The following ZFAND3 variants were observed in gnomAD, a reference collection of about 807,000 sequenced individuals.
ZFAND3 encodes AN1-type zinc finger protein 3.
A neutral mutation model predicts 29.6 loss-of-function variants in ZFAND3; 10 were observed. That is an observed-to-expected ratio of 0.34 (90% CI 0.21 to 0.57). The LOEUF is 0.57. Among genes scored for constraint, ZFAND3 ranks in the 20% least tolerant of loss-of-function variants. The pLI is 0.86. For synonymous variants in ZFAND3, 128 were observed against 112.6 expected (o/e 1.14, Z -0.87); for missense variants, 230 against 304.5 (o/e 0.76, Z 1.82).
chr6:37,846,856 C>T lies in ZFAND3; in HGVS notation c.71+26840C>T, dbSNP rs113942977. ...CCTCCCGAGTAGCTGGGACTACAGG[C>T]GCATGCCACCATGCCTGGCTAATTT... On this transcript the variant is annotated intron_variant, in intron 1 of 5. Coordinates refer to ENST00000287218, the MANE Select transcript of ZFAND3 (RefSeq NM_021943.3). Among the ~76,000 whole-genome samples, 752 of 152,016 alleles carry T rather than the reference C, an allele frequency of 4.9e-3. 8 individuals are homozygous for T. The highest frequency in any genetic ancestry group is 0.017 in the African/African-American group (711 of 41,452).
At chr6:37,988,792 A>G (rs959495109) in intron 2 of ZFAND3, among the ~76,000 whole-genome samples, 1 of 151,982 alleles carries the variant, frequency 6.6e-6, no homozygotes, top group African/African-American at 2.4e-5. Context: ...TATTTGCTCT[A>G]TGTTAGGGAC....
At chr6:37,958,020 A>AT (rs1034541149) in intron 2 of ZFAND3, among the ~76,000 whole-genome samples, 22 of 152,010 alleles carry the variant, frequency 1.4e-4, no homozygotes, top group South Asian at 8.3e-4. Flanking sequence ...GTAAATTTGG[A>AT]TTTTTTTTTC....
At chr6:37,864,758 CACACACACACACAT>C (rs906661148) in intron 1 of ZFAND3, among the ~76,000 whole-genome samples, 6 of 151,266 alleles carry the variant, frequency 4.0e-5, no homozygotes, top group South Asian at 4.2e-4. Flanking sequence ...CACACACACA[CACACACACACACAT>C]GCACACATAC....
intron 3 of ZFAND3, among the ~76,000 whole-genome samples, chr6:38,068,063 G>T (rs1764380344): frequency 6.6e-6 from 1 of 152,160 alleles, no homozygotes; most frequent in Non-Finnish European, 1.5e-5. Context: ...TTCTAAACTA[G>T]CAGTTAGAGA....
intron 3 of ZFAND3, among the ~76,000 whole-genome samples, chr6:38,067,352 G>A (rs1014503519): frequency 1.3e-5 from 2 of 152,152 alleles, no homozygotes; most frequent in African/African-American, 4.8e-5. Flanking sequence ...TGTAAGGCAG[G>A]TACTTCTATT....
At chr6:37,869,404 G>A (rs935691678) in intron 1 of ZFAND3, among the ~76,000 whole-genome samples, 2 of 151,754 alleles carry the variant, frequency 1.3e-5, no homozygotes, top group Admixed American at 6.6e-5. Flanking sequence ...GGTGATCCAC[G>A]TACCTGGGCC....
chr6:38,038,615 TC>T (rs1394200287), intron 2 of ZFAND3, among the ~76,000 whole-genome samples: 1 of 151,864 alleles, frequency 6.6e-6, no homozygotes, highest in Admixed American at 6.6e-5. Context: ...GAAAGTCGTT[TC>T]CCCCCCGCTT....
At chr6:37,860,180 T>G (rs1764458795) in intron 1 of ZFAND3, among the ~76,000 whole-genome samples, 1 of 27,028 alleles carries the variant, frequency 3.7e-5, no homozygotes, top group Admixed American at 2.6e-4. Context: ...CAAAAAGAGT[T>G]TTTTTTTTTT....
chr6:37,923,985 T>G (rs931364843), intron 1 of ZFAND3, among the ~76,000 whole-genome samples: 7 of 151,226 alleles, frequency 4.6e-5, no homozygotes, highest in African/African-American at 9.7e-5. Flanking sequence ...TTACTTTTTG[T>G]TTTTTTTTCT....
At chr6:38,041,507 A>G (rs888280621) in intron 2 of ZFAND3, among the ~76,000 whole-genome samples, 40 of 151,806 alleles carry the variant, frequency 2.6e-4, no homozygotes, top group African/African-American at 8.0e-4. Flanking sequence ...TTAGTAAGCT[A>G]TCCATTACTA....
chr6:38,121,315 T>C (rs1208491728), intron 5 of ZFAND3, among the ~76,000 whole-genome samples: 1 of 152,228 alleles, frequency 6.6e-6, no homozygotes, highest in Non-Finnish European at 1.5e-5. Context: ...AGTTCGAGGC[T>C]ACAGTGAGTC....
At chr6:38,006,452 C>G (rs1184226641) in intron 2 of ZFAND3, among the ~76,000 whole-genome samples, 7 of 152,050 alleles carry the variant, frequency 4.6e-5, no homozygotes, top group South Asian at 4.2e-4. Flanking sequence ...TGGTGTTCTT[C>G]TGGAACTCTG....
At chr6:38,017,920 C>G (rs1342406914) in intron 2 of ZFAND3, among the ~76,000 whole-genome samples, 1 of 152,194 alleles carries the variant, frequency 6.6e-6, no homozygotes, top group East Asian at 1.9e-4. Flanking sequence ...AGTCTTATCT[C>G]ATTCTCAAAA....
At chr6:38,146,914 G>C (rs1248585942) in intron 5 of ZFAND3, among the ~76,000 whole-genome samples, 1 of 151,628 alleles carries the variant, frequency 6.6e-6, no homozygotes, top group Non-Finnish European at 1.5e-5. Context: ...GTATGTATGT[G>C]AATGAGTCAG....
intron 2 of ZFAND3, among the ~76,000 whole-genome samples, chr6:37,967,420 G>A (rs576435201): frequency 2.6e-5 from 4 of 152,138 alleles, no homozygotes; most frequent in African/African-American, 9.7e-5. Flanking sequence ...CTGCATCCCA[G>A]CCCTAGATAA....
At chr6:37,879,328 T>C (rs1267964272) in intron 1 of ZFAND3, among the ~76,000 whole-genome samples, 1 of 151,300 alleles carries the variant, frequency 6.6e-6, no homozygotes, top group Non-Finnish European at 1.5e-5. Flanking sequence ...GTTTTTTTTG[T>C]TTTTTGTTTT....
chr6:38,092,225 A>G (rs982058307), intron 4 of ZFAND3, among the ~76,000 whole-genome samples: 1 of 152,210 alleles, frequency 6.6e-6, no homozygotes, highest in Non-Finnish European at 1.5e-5. Context: ...TATGTGGATT[A>G]TAGCACCAGC....
intron 1 of ZFAND3, among the ~76,000 whole-genome samples, chr6:37,842,311 C>G (rs546070920): frequency 6.6e-6 from 1 of 152,220 alleles, no homozygotes; most frequent in Admixed American, 6.5e-5. Context: ...TCAGGCTGGT[C>G]CCTTCTGCTG....
chr6:38,074,290 T>C (rs990420867), intron 3 of ZFAND3, among the ~76,000 whole-genome samples: 4 of 152,226 alleles, frequency 2.6e-5, no homozygotes, highest in Admixed American at 1.3e-4. Context: ...CCACTCTCAT[T>C]ATTTTTTAAG....
Sources: allele counts gnomAD v4.1 joint callset (sites outside exome capture counted in the v4.1 genomes callset), GRCh38; gene constraint gnomAD v4.1.1; transcripts MANE v1.5; gene names NCBI Gene and HGNC (gene_info 2026-07-23, HGNC 2026-07-21).